Variants in CNOT6 observed in about 807,000 individuals in gnomAD.
CNOT6 encodes CCR4-NOT transcription complex subunit 6, also known as carbon catabolite repression 4 protein.
CNOT6 carries 12 observed loss-of-function variants against 61.2 expected under a neutral mutation model. The observed-to-expected ratio is 0.20, with a 90% CI of 0.13 to 0.32. The LOEUF (loss-of-function observed/expected upper bound fraction) is 0.32. Among genes scored for constraint, CNOT6 ranks in the 10% least tolerant of loss-of-function variants. CNOT6 has a pLI of 1.00. For synonymous variants in CNOT6, 225 were observed against 240.6 expected, an observed-to-expected ratio of 0.94 and a Z score of 0.60; for missense variants, 405 against 663.9, an observed-to-expected ratio of 0.61 and a Z score of 4.28.
rs557339617 is a variant in CNOT6 at position 180,507,300 on chromosome 5, A to G, written c.-3+12537A>G. On this transcript the variant is annotated intron_variant, in intron 1 of 11. Coordinates refer to ENST00000261951, the MANE Select transcript of CNOT6 (RefSeq NM_001370472.1). Reference sequence around the variant, plus strand: ...CCTGTTTCCAAGGGTATTGAGATGAACAAGATATAGTTTTAGGGGCCCGGT... The same window carrying G: ...CCTGTTTCCAAGGGTATTGAGATGAGCAAGATATAGTTTTAGGGGCCCGGT... 1.6e-4 allele frequency among the ~76,000 whole-genome samples: 25 copies of G among 152,294 alleles called. No homozygotes were observed. The South Asian group carries it at 5.2e-3, about 32-fold the overall frequency.
chr5:180,549,508 GGCAT>G (rs1212624861), intron 2 of CNOT6, among the ~76,000 whole-genome samples: 1 of 152,060 alleles, frequency 6.6e-6, no homozygotes, highest in African/African-American at 2.4e-5. Flanking sequence ...AAATTAGCCG[GGCAT>G]GGTGGCGGGT....
chr5:180,573,828 G>T (rs891476571), intron 11 of CNOT6, among the ~76,000 whole-genome samples, 160 bp from the exon 12 acceptor site: 9 of 152,096 alleles, frequency 5.9e-5, no homozygotes, highest in African/African-American at 1.9e-4. Context: ...TTTGCACGGG[G>T]ACCATTTGGT....
In CNOT6 at chr5:180,571,421, T is replaced by A; in HGVS notation, c.1450T>A (p.Phe484Ile). 1.2e-6 allele frequency: 2 copies of A among 1,613,490 alleles called. No individual in the cohort carries two copies. The highest frequency in any genetic ancestry group is 1.7e-6 in the Non-Finnish European group (2 of 1,179,406). Residue 484 changes from phenylalanine to isoleucine, a missense_variant, in exon 11 of 12, where the codon TTT (phenylalanine) becomes ATT (isoleucine). Transcript: ENST00000261951. ...SGLMPYTNYT[F>I]DFKGIIDYIF... is the part of the protein sequence containing the mutation. ...CCTGATGCCTTACACGAATTACACA[T>A]TTGATTTCAAGGTGTGTCTTGAGAC...
intron 1 of CNOT6, among the ~76,000 whole-genome samples, chr5:180,507,219 G>T (rs914161131): frequency 3.9e-5 from 6 of 152,154 alleles, no homozygotes; most frequent in Non-Finnish European, 8.8e-5. Context: ...TACTAAGGAG[G>T]TATACAGAGA....
At chr5:180,507,049 G>A (rs952316651) in intron 1 of CNOT6, among the ~76,000 whole-genome samples, 2 of 152,174 alleles carry the variant, frequency 1.3e-5, no homozygotes, top group South Asian at 2.1e-4. Flanking sequence ...GGATATGGAG[G>A]AAGGTTGTAA....
intron 4 of CNOT6, among the ~76,000 whole-genome samples, chr5:180,558,649 G>A (rs778480981): frequency 4.0e-5 from 6 of 149,660 alleles, no homozygotes; most frequent in Non-Finnish European, 8.9e-5. Context: ...TTCTTGAGGC[G>A]ATAGCTTAGA....
chr5:180,507,310 G>A (rs985102938), intron 1 of CNOT6, among the ~76,000 whole-genome samples: 8 of 152,074 alleles, frequency 5.3e-5, no homozygotes, highest in Admixed American at 2.6e-4. Context: ...ACAAGATATA[G>A]TTTTAGGGGC....
intron 2 of CNOT6, among the ~76,000 whole-genome samples, chr5:180,537,710 C>T (rs1228987575): frequency 6.6e-6 from 1 of 151,574 alleles, no homozygotes; most frequent in African/African-American, 2.4e-5. Context: ...TAGAATATCT[C>T]CATTTATTTA....
chr5:180,561,353 G>GTT lies in CNOT6; in HGVS notation c.386-3133_386-3132dup, dbSNP rs1377504035. On this transcript the variant is annotated intron_variant, in intron 4 of 11. Coordinates refer to ENST00000261951, the MANE Select transcript of CNOT6 (RefSeq NM_001370472.1). ...GCTCAGTCTTCCTGTTTTCTTGTGT[G>GTT]TTTTGTGTGTGTGTGTGTGTGTGTG... Among the ~76,000 whole-genome samples, 74 of 101,514 alleles carry GTT rather than the reference G, an allele frequency of 7.3e-4. 1 individual carries two copies. The highest frequency in any genetic ancestry group is 2.6e-4 in the Non-Finnish European group (13 of 50,544). 66.6% of individuals were successfully genotyped at this position (101,514 alleles called of 152,430 possible).
At chr5:180,565,772 A>T (rs1293884532) in intron 6 of CNOT6, 48 bp from the exon 7 acceptor site, 4 of 1,488,652 alleles carry the variant, frequency 2.7e-6, no homozygotes, top group Non-Finnish European at 3.6e-6. Flanking sequence ...TTAATTATAT[A>T]TTTTTTTCTG....
Position 180,574,292 on chromosome 5 carries a change from C to A in CNOT6, c.*92C>A. 9.4e-7 allele frequency: 1 copy of A among 1,058,306 alleles called. No homozygotes were observed. The highest frequency in any genetic ancestry group is 1.4e-6 in the Non-Finnish European group (1 of 690,774). The allele number at this position is 1,058,306 out of a possible 1,614,324, so 65.6% of individuals were successfully genotyped here. On this transcript the variant is annotated 3_prime_UTR_variant, in exon 12 of 12. Transcript: ENST00000261951. Reference sequence around the variant, plus strand: ...GAGGTATGGCCACTGAGGATTTTTGCTTGCTTAAGAATGATTTGGACTTTC... The same window carrying A: ...GAGGTATGGCCACTGAGGATTTTTGATTGCTTAAGAATGATTTGGACTTTC...
chr5:180,518,835 C>T (rs1293753936), intron 1 of CNOT6, among the ~76,000 whole-genome samples: 1 of 152,188 alleles, frequency 6.6e-6, no homozygotes, highest in African/African-American at 2.4e-5. Context: ...CGCGCTCTTT[C>T]TCTGAAAATC....
intron 1 of CNOT6, among the ~76,000 whole-genome samples, chr5:180,499,081 A>G (rs1205149215): frequency 2.6e-5 from 4 of 152,104 alleles, no homozygotes; most frequent in Admixed American, 6.6e-5. Context: ...GTGAGCCACC[A>G]TGCCTGGCCT....
intron 1 of CNOT6, among the ~76,000 whole-genome samples, chr5:180,512,697 A>G (rs1185729029): frequency 1.3e-5 from 2 of 150,930 alleles, no homozygotes; most frequent in Admixed American, 6.6e-5. Context: ...CCCAGGTTCA[A>G]GCAATTCTCC....
rs184216908 is a variant in CNOT6, at chr5:180,523,726, C to T, written c.-2-5549C>T. Among the ~76,000 whole-genome samples the T allele has an allele frequency of 5.4e-3, 826 of 152,282 alleles. 11 individuals are homozygous for T. Among genetic ancestry groups the T allele is most frequent in the African/African-American group, 0.019 (785 of 41,564 alleles). On this transcript the variant is annotated intron_variant, in intron 1 of 11. Transcript: ENST00000261951. ...CACTGTGATTCCTATCCCCAGCTCC[C>T]GCTAACCCCCAGCATTTCTGCAAGT... is the stretch of plus-strand genomic sequence containing the variant.
Position 180,542,406 on chromosome 5 carries a change from A to G in CNOT6, c.113-7525A>G, listed in dbSNP as rs1046329545. On this transcript the variant is annotated intron_variant, in intron 2 of 11. Coordinates refer to ENST00000261951, the MANE Select transcript of CNOT6 (RefSeq NM_001370472.1). Reference sequence around the variant, plus strand: ...CAGCCTCCCGAGTAGCTGGGACTACAGGCCCGCGCCACCACACCCAGCTAA... The same window carrying G: ...CAGCCTCCCGAGTAGCTGGGACTACGGGCCCGCGCCACCACACCCAGCTAA... Among the ~76,000 whole-genome samples, 3 of 152,022 alleles carry G rather than the reference A, an allele frequency of 2.0e-5. No homozygotes were observed. The East Asian group carries it at 5.8e-4, about 29-fold the overall frequency.
intron 1 of CNOT6, among the ~76,000 whole-genome samples, chr5:180,520,073 A>G (rs548825106): frequency 1.3e-5 from 2 of 152,130 alleles, no homozygotes; most frequent in African/African-American, 4.8e-5. Flanking sequence ...ACCTCAAGTG[A>G]TCTGCCTGCC....
At chr5:180,538,700 A>G (rs931010577) in intron 2 of CNOT6, among the ~76,000 whole-genome samples, 2 of 137,410 alleles carry the variant, frequency 1.5e-5, no homozygotes, top group African/African-American at 3.1e-5. Context: ...ATATATATAT[A>G]TATATATATA....
At chr5:180,542,485 G>A (rs1025843929) in intron 2 of CNOT6, among the ~76,000 whole-genome samples, 4 of 152,010 alleles carry the variant, frequency 2.6e-5, no homozygotes, top group East Asian at 1.9e-4. Context: ...GGCTTGTCTC[G>A]AACTCCTGAC....
Sources: allele counts gnomAD v4.1 joint callset (sites outside exome capture counted in the v4.1 genomes callset), GRCh38; gene constraint gnomAD v4.1.1; transcripts MANE v1.5; gene names NCBI Gene and HGNC (gene_info 2026-07-23, HGNC 2026-07-21).